Variants in PRH1 observed in about 807,000 individuals in gnomAD.
The protein encoded by PRH1 is salivary acidic proline-rich phosphoprotein 1/2.
In PRH1, 7 loss-of-function variants were observed where a neutral mutation model predicts 7.9. That is an observed-to-expected ratio of 0.89 (90% CI 0.50 to 1.67). The LOEUF (loss-of-function observed/expected upper bound fraction) is 1.67. Among genes scored for constraint, PRH1 ranks in the 40% most tolerant of loss-of-function variants. PRH1 has a pLI of 0.00. For synonymous variants in PRH1, 45 were observed against 80.8 expected, an observed-to-expected ratio of 0.56 and a Z score of 2.38; for missense variants, 109 against 223.6, an observed-to-expected ratio of 0.49 and a Z score of 3.27.
chr12:11,002,628 C>A (rs1940648214), intron 1 of PRH1, among the ~76,000 whole-genome samples: 1 of 152,048 alleles, frequency 6.6e-6, no homozygotes, highest in Non-Finnish European at 1.5e-5. Context: ...GCAAAATTCT[C>A]TCAACTGCTT....
chr12:11,065,613 T>G (rs1943774554), intron 1 of PRH1, among the ~76,000 whole-genome samples: 1 of 152,196 alleles, frequency 6.6e-6, no homozygotes, highest in South Asian at 2.1e-4. Context: ...CTTTTTTATC[T>G]TATTGTTTTA....
Position 11,088,367 on chromosome 12 carries a change from A to G in PRH1, n.124-41179T>C, listed in dbSNP as rs1051130392. On this transcript the variant is annotated intron_variant and non_coding_transcript_variant, in intron 1 of 4. Transcript: ENST00000541977. ...AAATAATAGCAATAATAATAATAAT[A>G]TATTACTTGGTACAATAATCAGGAA... Among the ~76,000 whole-genome samples, 9 of 74,948 alleles carry G rather than the reference A, an allele frequency of 1.2e-4. 1 individual carries two copies. Among genetic ancestry groups the G allele is most frequent in the African/African-American group, 4.1e-4 (9 of 21,874 alleles). 49.2% of individuals were successfully genotyped at this position (74,948 alleles called of 152,430 possible).
intron 2 of PRH1, among the ~76,000 whole-genome samples, chr12:10,919,188 A>G (rs901275146): frequency 5.9e-5 from 9 of 152,198 alleles, no homozygotes; most frequent in Non-Finnish European, 1.3e-4. Context: ...TGTTGTTACA[A>G]TACTAATTAT....
intron 1 of PRH1, among the ~76,000 whole-genome samples, chr12:11,112,573 T>C (rs1013604836): frequency 1.2e-4 from 18 of 152,300 alleles, no homozygotes; most frequent in African/African-American, 4.3e-4. Context: ...TCTCAACAGA[T>C]GCAGAAAAGG....
chr12:10,967,663 A>G (rs1249726367), intron 2 of PRH1, among the ~76,000 whole-genome samples: 2 of 152,148 alleles, frequency 1.3e-5, no homozygotes, highest in Admixed American at 1.3e-4. Flanking sequence ...TTGGCATAGC[A>G]GCTTGATGAG....
At chr12:10,938,594 A>T (rs748057911) in intron 2 of PRH1, 2 of 1,613,828 alleles carry the variant, frequency 1.2e-6, no homozygotes, top group African/African-American at 2.7e-5. Context: ...ATGTTTCCAC[A>T]TGGAGAAGAT....
intron 1 of PRH1, among the ~76,000 whole-genome samples, chr12:11,124,513 T>C (rs1457467545): frequency 6.6e-6 from 1 of 152,276 alleles, no homozygotes; most frequent in Non-Finnish European, 1.5e-5. Flanking sequence ...TCATCTATAA[T>C]TGTTTTCTTC....
intron 1 of PRH1, among the ~76,000 whole-genome samples, chr12:10,999,972 C>A (rs1399288850): frequency 1.3e-5 from 2 of 152,088 alleles, no homozygotes; most frequent in South Asian, 4.1e-4. Flanking sequence ...ATTCAATCAT[C>A]CTTAGTTAAT....
intron 1 of PRH1, among the ~76,000 whole-genome samples, chr12:11,002,870 C>A (rs950834607): frequency 6.6e-6 from 1 of 151,958 alleles, no homozygotes; most frequent in Non-Finnish European, 1.5e-5. Context: ...TGAATGGGAA[C>A]AACATGAGTA....
At chr12:10,922,332 C>T (rs1950057359) in intron 2 of PRH1, among the ~76,000 whole-genome samples, 1 of 152,124 alleles carries the variant, frequency 6.6e-6, no homozygotes, top group African/African-American at 2.4e-5. Context: ...TTAGCTTTAG[C>T]CGGTTTTTTC....
At chr12:11,152,774 G>C (rs34548551) in intron 1 of PRH1, among the ~76,000 whole-genome samples, 69,187 of 152,042 alleles carry the variant, frequency 0.46, 16,543 homozygotes, top group Non-Finnish European at 0.52. Flanking sequence ...AATATTAGCA[G>C]AATGTATATG....
intron 1 of PRH1, chr12:10,987,026 A>T: frequency 4.3e-6 from 2 of 466,084 alleles, no homozygotes; most frequent in Non-Finnish European, 7.3e-6. Context: ...GTACCAGCTT[A>T]TGCTAATGGA....
At chr12:11,032,425 C>A (rs1449359184) in intron 1 of PRH1, among the ~76,000 whole-genome samples, 1 of 152,204 alleles carries the variant, frequency 6.6e-6, no homozygotes, top group Non-Finnish European at 1.5e-5. Flanking sequence ...AGGCAGGCCA[C>A]TACTCCATAA....
At chr12:10,956,099 T>C (rs982154514) in intron 2 of PRH1, among the ~76,000 whole-genome samples, 10 of 152,078 alleles carry the variant, frequency 6.6e-5, no homozygotes, top group Admixed American at 5.9e-4. Flanking sequence ...AATATCACCC[T>C]GATACCAAAA....
At chr12:11,045,159 T>C (rs1942858407) in intron 1 of PRH1, among the ~76,000 whole-genome samples, 1 of 152,016 alleles carries the variant, frequency 6.6e-6, no homozygotes, top group African/African-American at 2.4e-5. Context: ...TGCAGCAATA[T>C]ATGGATAGAA....
chr12:11,096,791 TTTTTTG>T lies in PRH1; in HGVS notation n.124-49609_124-49604del, dbSNP rs1223686659. Among the ~76,000 whole-genome samples the T allele has an allele frequency of 1.8e-5, 2 of 110,842 alleles. 1 individual carries two copies. The highest frequency in any genetic ancestry group is 6.0e-5 in the African/African-American group (2 of 33,584). 72.7% of individuals were successfully genotyped at this position (110,842 alleles called of 152,430 possible). A position where few individuals can be genotyped will look rare whatever the true frequency, so the allele number is the denominator to read the frequency against. On this transcript the variant is annotated intron_variant and non_coding_transcript_variant, in intron 1 of 4. Coordinates refer to the PRH1 transcript ENST00000541977. Reference sequence around the variant, plus strand: ...ATTTAAATTTTATGCGGTTTTTGTTTTTTTTGTTGTTGTTGTTGTTGTTTTTGAGAC... The same window carrying T: ...ATTTAAATTTTATGCGGTTTTTGTTTTTGTTGTTGTTGTTGTTTTTGAGAC...
intron 1 of PRH1, among the ~76,000 whole-genome samples, chr12:11,028,468 G>A (rs781780882): frequency 1.3e-5 from 2 of 151,428 alleles, no homozygotes; most frequent in East Asian, 3.9e-4. Flanking sequence ...CATTTGTTCC[G>A]GTCTCAATTT....
At chr12:10,907,475 A>T (rs896407419) in intron 2 of PRH1, among the ~76,000 whole-genome samples, 1 of 152,010 alleles carries the variant, frequency 6.6e-6, no homozygotes, top group Non-Finnish European at 1.5e-5. Context: ...GCTGAGTTAA[A>T]GAAGCCTCAC....
intron 1 of PRH1, among the ~76,000 whole-genome samples, chr12:10,974,273 C>G (rs1938983310): frequency 6.6e-6 from 1 of 152,184 alleles, no homozygotes; most frequent in Non-Finnish European, 1.5e-5. Context: ...GCACCCCACC[C>G]CAGTCTACGA....
Sources: gnomAD v4.1 joint callset for allele counts (sites outside exome capture counted in the v4.1 genomes callset) on GRCh38, gnomAD v4.1.1 for gene constraint, MANE v1.5 for transcripts, NCBI Gene and HGNC (gene_info 2026-07-23, HGNC 2026-07-21) for gene names.